Variants in HBEGF observed in about 807,000 individuals in gnomAD.
The protein encoded by HBEGF is proheparin-binding EGF-like growth factor.
HBEGF carries 8 observed loss-of-function variants against 19.5 expected under a neutral mutation model. The observed-to-expected ratio is 0.41, with a 90% CI of 0.24 to 0.74. The LOEUF (loss-of-function observed/expected upper bound fraction) is 0.74. Among genes scored for constraint, HBEGF ranks in the 30% least tolerant of loss-of-function variants. The pLI is 0.32. For synonymous variants in HBEGF, 97 were observed against 108.9 expected, an observed-to-expected ratio of 0.89 and a Z score of 0.68; for missense variants, 207 against 256.9, an observed-to-expected ratio of 0.81 and a Z score of 1.33.
At chr5:140,339,577 G>C (rs1766277134) in intron 3 of HBEGF, among the ~76,000 whole-genome samples, 1 of 152,020 alleles carries the variant, frequency 6.6e-6, no homozygotes, top group Non-Finnish European at 1.5e-5. Context: ...ATTTTTAGTA[G>C]AGACGGGGGT....
At position 140,342,663 on chromosome 5, in the gene HBEGF, C is replaced by T. The variant is rs1478010249; in HGVS notation, c.370G>A (p.Val124Met). The change falls in exon 3 of 6, where the codon GTG becomes ATG. Residue 124 changes from valine (V) to methionine (M), a missense_variant. Coordinates refer to ENST00000230990, the MANE Select transcript of HBEGF (RefSeq NM_001945.3). ...CAGGAGGGAGCCCGGAGCTCCTTCA[C>T]ATATTTGCATTCTCCATGGATGCAG... ...DFCIHGECKY[V>M]KELRAPSCIC... 6.2e-7 allele frequency: 1 copy of T among 1,614,200 alleles called. No homozygotes were observed. Among genetic ancestry groups the T allele is most frequent in the Non-Finnish European group, 8.5e-7 (1 of 1,180,034 alleles).
intron 3 of HBEGF, among the ~76,000 whole-genome samples, chr5:140,341,003 CTA>C (rs1471131044): frequency 1.3e-5 from 2 of 152,248 alleles, no homozygotes; most frequent in African/African-American, 4.8e-5. Flanking sequence ...TCCCAGGAAA[CTA>C]TATCTCTCCA....
At chr5:140,341,017 C>T (rs1391371618) in intron 3 of HBEGF, among the ~76,000 whole-genome samples, 1 of 152,228 alleles carries the variant, frequency 6.6e-6, no homozygotes, top group Non-Finnish European at 1.5e-5. Context: ...ATCTCTCCAG[C>T]TCCTAAAGTA....
Position 140,346,238 on chromosome 5 carries a change from C to T in HBEGF, c.46+45G>A, listed in dbSNP as rs774568652. 1 of 1,578,116 alleles carries T rather than the reference C, an allele frequency of 6.3e-7. No homozygotes were observed. Among genetic ancestry groups the T allele is most frequent in the South Asian group, 1.1e-5 (1 of 87,006 alleles). On this transcript the variant is annotated intron_variant, in intron 1 of 5. Coordinates refer to ENST00000230990, the MANE Select transcript of HBEGF (RefSeq NM_001945.3). This position sits in a 1 kb window ranked among gnomAD's most constrained non-coding sequence, Gnocchi z 6.1. ...ACCTTCCCCCATGCCCCCAGCACAA[C>T]GCCCCCATCCCCCCGATCTCCGGGG... is the stretch of plus-strand genomic sequence containing the variant.
At chr5:140,337,761 C>T (rs1017179476) in intron 3 of HBEGF, among the ~76,000 whole-genome samples, 1 of 152,196 alleles carries the variant, frequency 6.6e-6, no homozygotes, top group African/African-American at 2.4e-5. Flanking sequence ...TCCACAGTTC[C>T]TTGCCCAGCC....
At chr5:140,340,528 A>T (rs767634534) in intron 3 of HBEGF, among the ~76,000 whole-genome samples, 1 of 140,018 alleles carries the variant, frequency 7.1e-6, no homozygotes, top group Non-Finnish European at 1.5e-5. Flanking sequence ...GGTTGCAGTG[A>T]GCTGAGATCA....
rs1040873338 is a variant in HBEGF, at chr5:140,333,389, C to A, written c.*910G>T. ...CAAATGGTAGACAAAATCGCCTAGG[C>A]AAGACTGAAGTCCAACTCATAGAGT... On this transcript the variant is annotated 3_prime_UTR_variant, in exon 6 of 6. Transcript: ENST00000230990. 2.0e-5 allele frequency: 3 copies of A among 152,866 alleles called. No individual in the cohort carries two copies. The highest frequency in any genetic ancestry group is 7.2e-5 in the African/African-American group (3 of 41,470). The allele number at this position is 152,866 out of a possible 1,614,324, so 9.5% of individuals were successfully genotyped here.
intron 3 of HBEGF, among the ~76,000 whole-genome samples, chr5:140,339,996 G>C (rs1007787868): frequency 7.9e-5 from 12 of 152,150 alleles, no homozygotes; most frequent in African/African-American, 2.9e-4. Flanking sequence ...TCAACCCCCT[G>C]AAAATCTGCC....
chr5:140,342,963 G>GGAA, intron 2 of HBEGF, 151 bp from the exon 3 acceptor site: 1 of 709,584 alleles, frequency 1.4e-6, no homozygotes. Flanking sequence ...AGAGGCAGAA[G>GGAA]GAAGAGCAGG....
intron 3 of HBEGF, among the ~76,000 whole-genome samples, chr5:140,340,671 A>C (rs932642259): frequency 5.3e-5 from 8 of 152,088 alleles, no homozygotes; most frequent in African/African-American, 1.9e-4. Context: ...TAAAGTTTTC[A>C]AATCAGATTG....
chr5:140,345,781 G>T (rs1047818531), intron 2 of HBEGF, 130 bp downstream of exon 2: 3 of 1,091,184 alleles, frequency 2.7e-6, no homozygotes, highest in Non-Finnish European at 4.1e-6. Flanking sequence ...CCATCAGGCC[G>T]ATCAGCTTTT....
At chr5:140,342,877 C>A in intron 2 of HBEGF, 65 bp from the exon 3 acceptor site, 1 of 1,526,650 alleles carries the variant, frequency 6.6e-7, no homozygotes. Flanking sequence ...GAGCATAGTG[C>A]TTGAAAGGAG....
chr5:140,336,061 T>C (rs769385039), intron 3 of HBEGF, 34 bp from the exon 4 acceptor site: 9 of 1,605,220 alleles, frequency 5.6e-6, no homozygotes, highest in Non-Finnish European at 7.7e-6. Flanking sequence ...GAGATGGAGT[T>C]AGTGCTTTGG....
At chr5:140,344,258 C>T (rs1304836690) in intron 2 of HBEGF, among the ~76,000 whole-genome samples, 1 of 152,132 alleles carries the variant, frequency 6.6e-6, no homozygotes, top group African/African-American at 2.4e-5. Flanking sequence ...TTCCTCACCA[C>T]ACCAAGCTGC....
chr5:140,340,406 T>C (rs4150221), intron 3 of HBEGF, among the ~76,000 whole-genome samples: 47,255 of 151,430 alleles, frequency 0.31, 7,888 homozygotes, highest in African/African-American at 0.41. Context: ...ACGGCAAAAC[T>C]ACGTCTCTAC....
rs1052975051 is a variant in HBEGF at position 140,334,188 on chromosome 5, C to T, written c.*111G>A. 1.9e-5 allele frequency: 3 copies of T among 155,866 alleles called. No homozygotes were observed. The highest frequency in any genetic ancestry group is 2.8e-5 in the Non-Finnish European group (2 of 70,350). 9.7% of individuals were successfully genotyped at this position (155,866 alleles called of 1,614,324 possible). A position where few individuals can be genotyped will look rare whatever the true frequency, so the allele number is the denominator to read the frequency against. On this transcript the variant is annotated 3_prime_UTR_variant, in exon 6 of 6. Coordinates refer to ENST00000230990, the MANE Select transcript of HBEGF (RefSeq NM_001945.3). Reference sequence around the variant, plus strand: ...CCCAATCCTAGACGGCAACTGGGGACGAAGGAGTCTTTGTGACTAGATGGA... The same window carrying T: ...CCCAATCCTAGACGGCAACTGGGGATGAAGGAGTCTTTGTGACTAGATGGA...
intron 2 of HBEGF, 117 bp downstream of exon 2, chr5:140,345,794 C>T: frequency 7.9e-7 from 1 of 1,267,584 alleles, no homozygotes; most frequent in East Asian, 2.3e-5. Flanking sequence ...CAGCTTTTCC[C>T]CGAGGTTCTC....
intron 2 of HBEGF, among the ~76,000 whole-genome samples, chr5:140,343,542 T>TG (rs537680370): frequency 3.4e-4 from 52 of 152,312 alleles, no homozygotes; most frequent in African/African-American, 1.1e-3. Context: ...CTCTCTGGAT[T>TG]GGGGGGTACA....
In HBEGF at chr5:140,346,222, C is replaced by T; in HGVS notation, c.46+61G>A. The T allele has an allele frequency of 6.4e-7, 1 of 1,565,000 alleles. No individual in the cohort carries two copies. Among genetic ancestry groups the T allele is most frequent in the African/African-American group, 1.4e-5 (1 of 73,608 alleles). ...CGGGTGCGCTGCGGCGACCTTCCCC[C>T]ATGCCCCCAGCACAACGCCCCCATC... On this transcript the variant is annotated intron_variant, in intron 1 of 5. Coordinates refer to ENST00000230990, the MANE Select transcript of HBEGF (RefSeq NM_001945.3). The surrounding 1 kb of genome is among the most constrained non-coding windows in gnomAD (Gnocchi z 6.1).
Sources: allele counts gnomAD v4.1 joint callset (sites outside exome capture counted in the v4.1 genomes callset), GRCh38; gene constraint gnomAD v4.1.1; non-coding constraint Gnocchi (gnomAD v3.1); transcripts MANE v1.5; gene names NCBI Gene and HGNC (gene_info 2026-07-23, HGNC 2026-07-21).